The following UBTD1 variants were observed in gnomAD, a reference collection of about 807,000 sequenced individuals.
UBTD1 encodes ubiquitin domain containing 1.
In UBTD1, 19 loss-of-function variants were observed where a neutral mutation model predicts 21.7. The ratio of observed to expected loss-of-function variants is 0.87; its 90% CI spans 0.61 to 1.28. The LOEUF (loss-of-function observed/expected upper bound fraction) is 1.28. Among genes scored for constraint, UBTD1 ranks in the 50% most tolerant of loss-of-function variants. UBTD1 has a pLI of 0.00. For synonymous variants in UBTD1, 116 were observed against 135.1 expected (o/e 0.86, Z 0.98); for missense variants, 282 against 315.1 (o/e 0.89, Z 0.80).
intron 1 of UBTD1, among the ~76,000 whole-genome samples, chr10:97,511,005 C>T (rs1487606833): frequency 6.6e-6 from 1 of 152,076 alleles, no homozygotes; most frequent in Non-Finnish European, 1.5e-5. Flanking sequence ...AGAACACCTC[C>T]GAGTCCCCAG....
chr10:97,547,972 C>G (rs2040619084), intron 1 of UBTD1, among the ~76,000 whole-genome samples: 1 of 151,952 alleles, frequency 6.6e-6, no homozygotes, highest in Non-Finnish European at 1.5e-5. Context: ...TTACCAATGA[C>G]AATAGCTACT....
intron 1 of UBTD1, among the ~76,000 whole-genome samples, chr10:97,531,186 C>A (rs2135670132): frequency 6.7e-6 from 1 of 150,252 alleles, no homozygotes; most frequent in East Asian, 2.0e-4. Flanking sequence ...TGCGCCCAGC[C>A]TATTTTTTTT....
At chr10:97,512,650 C>T (rs2040427696) in intron 1 of UBTD1, among the ~76,000 whole-genome samples, 1 of 152,250 alleles carries the variant, frequency 6.6e-6, no homozygotes, top group Non-Finnish European at 1.5e-5. Context: ...CAGCTAACCC[C>T]TCCTGTTTGC....
intron 1 of UBTD1, among the ~76,000 whole-genome samples, chr10:97,512,408 C>T (rs901750784): frequency 6.6e-6 from 1 of 152,348 alleles, no homozygotes; most frequent in East Asian, 1.9e-4. Flanking sequence ...TTAGGTCTGG[C>T]TCAGTGTGAT....
chr10:97,524,153 G>C (rs1318177978), intron 1 of UBTD1, among the ~76,000 whole-genome samples: 3 of 152,166 alleles, frequency 2.0e-5, no homozygotes, highest in Non-Finnish European at 4.4e-5. Context: ...GGAGTGCAGT[G>C]GCGCGATTAT....
intron 1 of UBTD1, among the ~76,000 whole-genome samples, chr10:97,529,020 C>T (rs1287798364): frequency 6.6e-5 from 10 of 151,392 alleles, no homozygotes; most frequent in Admixed American, 4.6e-4. Context: ...GGGTGGCAGC[C>T]GGGCGGAGGG....
chr10:97,539,808 G>A lies in UBTD1; in HGVS notation c.71-28106G>A, dbSNP rs148493501. On this transcript the variant is annotated intron_variant, in intron 1 of 2. Coordinates refer to ENST00000370664, the MANE Select transcript of UBTD1 (RefSeq NM_024954.5). Reference sequence around the variant, plus strand: ...GATGTGTGGGAGGACAAGAGGCCCTGTCTCTCCCTGCTCCCTGTGCAGACA... The same window carrying A: ...GATGTGTGGGAGGACAAGAGGCCCTATCTCTCCCTGCTCCCTGTGCAGACA... Among the ~76,000 whole-genome samples the A allele has an allele frequency of 2.1e-3, 315 of 152,222 alleles. 1 individual carries two copies. Among genetic ancestry groups the A allele is most frequent in the South Asian group, 0.013 (64 of 4,822 alleles).
In UBTD1 at chr10:97,553,976, G is replaced by A. The variant is rs376896011; in HGVS notation, c.71-13938G>A. ...TGGCTGCTGTTGTGTAGCGGGGAGG[G>A]GACCCTGAAGGCTACTCTGGGGGAG... is the stretch of plus-strand genomic sequence containing the variant. On this transcript the variant is annotated intron_variant, in intron 1 of 2. Coordinates refer to ENST00000370664, the MANE Select transcript of UBTD1 (RefSeq NM_024954.5). Among the ~76,000 whole-genome samples, 145 of 152,302 alleles carry A rather than the reference G, an allele frequency of 9.5e-4. 1 individual carries two copies. Among genetic ancestry groups the A allele is most frequent in the African/African-American group, 3.2e-3 (132 of 41,578 alleles).
intron 1 of UBTD1, among the ~76,000 whole-genome samples, chr10:97,524,125 C>T (rs11189255): frequency 0.24 from 36,828 of 152,050 alleles, 4,711 homozygotes; most frequent in Non-Finnish European, 0.28. Context: ...ATGGGTTCCT[C>T]GCTCTGTCAC....
At chr10:97,514,080 G>T (rs1044836150) in intron 1 of UBTD1, among the ~76,000 whole-genome samples, 2 of 151,130 alleles carry the variant, frequency 1.3e-5, no homozygotes, top group African/African-American at 4.9e-5. Context: ...GGAAGGTATC[G>T]AATAGTATAT....
At chr10:97,562,399 T>A (rs1269412280) in intron 1 of UBTD1, among the ~76,000 whole-genome samples, 1 of 151,858 alleles carries the variant, frequency 6.6e-6, no homozygotes, top group African/African-American at 2.4e-5. Context: ...GAAAAGAGAG[T>A]CAGCAAAGGG....
At chr10:97,554,406 C>T (rs1302089890) in intron 1 of UBTD1, among the ~76,000 whole-genome samples, 1 of 151,932 alleles carries the variant, frequency 6.6e-6, no homozygotes, top group Non-Finnish European at 1.5e-5. Context: ...ACCACCACTC[C>T]CAGATAATTT....
At chr10:97,529,325 G>A (rs951472273) in intron 1 of UBTD1, among the ~76,000 whole-genome samples, 4 of 151,802 alleles carry the variant, frequency 2.6e-5, no homozygotes, top group African/African-American at 4.8e-5. Flanking sequence ...GATGATGGGC[G>A]GCCAGGCAGA....
At chr10:97,517,037 G>T (rs541017068) in intron 1 of UBTD1, among the ~76,000 whole-genome samples, 1 of 152,324 alleles carries the variant, frequency 6.6e-6, no homozygotes, top group Admixed American at 6.5e-5. Flanking sequence ...GGACTCCAAG[G>T]ATGACAGGGG....
intron 1 of UBTD1, among the ~76,000 whole-genome samples, chr10:97,539,282 G>A (rs983188244): frequency 6.6e-6 from 1 of 152,166 alleles, no homozygotes; most frequent in African/African-American, 2.4e-5. Context: ...TTCTTTCAAA[G>A]CCTTTCACTA....
At chr10:97,515,755 C>T (rs2040441696) in intron 1 of UBTD1, among the ~76,000 whole-genome samples, 1 of 152,178 alleles carries the variant, frequency 6.6e-6, no homozygotes, top group Non-Finnish European at 1.5e-5. Context: ...GTCCAAAGTC[C>T]ATATTCCCAT....
At chr10:97,521,751 G>A (rs2040467731) in intron 1 of UBTD1, among the ~76,000 whole-genome samples, 2 of 152,250 alleles carry the variant, frequency 1.3e-5, no homozygotes, top group Admixed American at 1.3e-4. Context: ...CTGGGCAGCA[G>A]TGTGTGCCTG....
rs79007054 is a variant in UBTD1, at chr10:97,513,653, G to A, written c.70+14380G>A. Among the ~76,000 whole-genome samples, 1,124 of 152,308 alleles carry A rather than the reference G, an allele frequency of 7.4e-3. 27 individuals are homozygous for A. The highest frequency in any genetic ancestry group is 0.073 in the East Asian group (377 of 5,180). ...TGTGAACGATATGAGAAAGCTCAAA[G>A]AAGAAAATCTTTGTACTCTTACCCA... On this transcript the variant is annotated intron_variant, in intron 1 of 2. Coordinates refer to ENST00000370664, the MANE Select transcript of UBTD1 (RefSeq NM_024954.5).
intron 1 of UBTD1, among the ~76,000 whole-genome samples, chr10:97,549,240 C>T (rs1005690380): frequency 6.6e-6 from 1 of 152,166 alleles, no homozygotes. Context: ...TGGTTTTGTC[C>T]CTCCTGGACT....
Sources: allele counts gnomAD v4.1 joint callset (sites outside exome capture counted in the v4.1 genomes callset), GRCh38; gene constraint gnomAD v4.1.1; transcripts MANE v1.5; gene names NCBI Gene and HGNC (gene_info 2026-07-23, HGNC 2026-07-21).